SULT1A2: variants seen among roughly 807,000 people sequenced by gnomAD.
The protein encoded by SULT1A2 is sulfotransferase 1A2.
A neutral mutation model predicts 36.0 loss-of-function variants in SULT1A2; 33 were observed. The ratio of observed to expected loss-of-function variants is 0.92; its 90% confidence interval spans 0.69 to 1.22. The LOEUF is 1.22. Among genes scored for constraint, SULT1A2 ranks in the 50% most tolerant of loss-of-function variants. The probability of loss-of-function intolerance (pLI) is 0.00; values close to 1 mark genes in which losing one functional copy is unlikely to be tolerated. For synonymous variants in SULT1A2, 138 were observed against 144.5 expected, an observed-to-expected ratio of 0.96 and a Z score of 0.32; for missense variants, 367 against 383.2, an observed-to-expected ratio of 0.96 and a Z score of 0.35.
chr16:28,593,528 G>T lies in SULT1A2; in HGVS notation c.413C>A (p.Ser138Tyr). The T allele has an allele frequency of 6.2e-7, 1 of 1,614,138 alleles. No individual in the cohort carries two copies. Among genetic ancestry groups the T allele is most frequent in the East Asian group, 2.2e-5 (1 of 44,880 alleles). ...GGCCATGTGGTAGAAGTGGTAGTAG[G>T]AAACCGCCACATCCTTTGCGTTGCG... The part of the protein sequence containing the change: ...VARNAKDVAV[S>Y]YYHFYHMAKV... Residue 138 changes from serine to tyrosine, a missense_variant, in exon 5 of 8, where the codon TCC becomes TAC. Ser to Tyr is a moderately radical substitution (Grantham distance 144, BLOSUM62 -2). Coordinates refer to ENST00000335715, the MANE Select transcript of SULT1A2 (RefSeq NM_001054.4).
intron 4 of SULT1A2, 82 bp from the exon 5 acceptor site, chr16:28,593,650 A>C: frequency 6.3e-7 from 1 of 1,592,188 alleles, no homozygotes. Flanking sequence ...TTGGCAAAGG[A>C]GGAAGCTGAG....
Position 28,592,334 on chromosome 16 carries a change from T to G in SULT1A2, c.704A>C (p.Asn235Thr), listed in dbSNP as rs1059491. The change falls in exon 7 of 8, where the codon AAC (asparagine) becomes ACC (threonine). Residue 235 changes from asparagine to threonine, a missense_variant. Physicochemically the swap from Asn to Thr is moderately conservative, Grantham distance 65. Transcript: ENST00000335715. ...GACGGTGGTGTAGTTGGTCATAGGG[T>G]TCTTCTTCATCTCCTTGAACGACGT... ...EHTSFKEMKK[N>T]PMTNYTTVRR... is the part of the protein sequence containing the mutation. 553,509 of 1,613,462 alleles carry G rather than the reference T, an allele frequency of 0.34. 99,598 individuals are homozygous for G. The highest frequency in any genetic ancestry group is 0.38 in the Admixed American group (22,530 of 59,964).
Position 28,593,237 on chromosome 16 carries a change from CAAAG to C in SULT1A2, c.594+11_594+14del, listed in dbSNP as rs779662685. ...CCAGGTGTCACGTGGAGGGAAGCATCAAAGGCGGTCTCACCTCCTTCATGTCTTC... is the reference window on the plus strand; with the variant it reads ...CCAGGTGTCACGTGGAGGGAAGCATCGCGGTCTCACCTCCTTCATGTCTTC... On this transcript the variant is annotated intron_variant, in intron 6 of 7. Transcript: ENST00000335715. 4.3e-6 allele frequency: 7 copies of C among 1,612,678 alleles called. No individual in the cohort carries two copies. Among genetic ancestry groups the C allele is most frequent in the East Asian group, 2.2e-5 (1 of 44,882 alleles).
In SULT1A2 at chr16:28,593,560, A is replaced by G; in HGVS notation, c.381T>C (p.Tyr127=). ...TLLDQKVKVV[Y]VARNAKDVAV... is the part of the protein sequence containing the mutation. ...CCACATCCTTTGCGTTGCGGGCAAC[A>G]TAGACCACCTGCAGGGGCAGAAGAC... is the stretch of plus-strand genomic sequence containing the variant. The change falls in exon 5 of 8, where the codon TAT becomes TAC. Residue 127 remains tyrosine (Y), a synonymous_variant. Transcript: ENST00000335715. The G allele has an allele frequency of 6.2e-7, 1 of 1,614,158 alleles. No homozygotes were observed. Among genetic ancestry groups the G allele is most frequent in the Non-Finnish European group, 8.5e-7 (1 of 1,180,022 alleles).
intron 1 of SULT1A2, chr16:28,596,149 G>A (rs1217741695): frequency 6.8e-5 from 91 of 1,345,678 alleles, no homozygotes; most frequent in Non-Finnish European, 8.3e-5. Flanking sequence ...ATTCACCTGC[G>A]GAGCTGTTCA....
chr16:28,596,101 C>A, intron 1 of SULT1A2, 167 bp from the exon 2 acceptor site: 12 of 1,484,304 alleles, frequency 8.1e-6, no homozygotes, highest in Non-Finnish European at 9.0e-6. Context: ...CCAGGTCGGG[C>A]TCTAATGTGG....
chr16:28,596,777 G>A (rs559522409), intron 1 of SULT1A2: 110 of 294,614 alleles, frequency 3.7e-4, no homozygotes, highest in Non-Finnish European at 6.1e-4. Flanking sequence ...AGGCTGCAGT[G>A]GCCAGGATCC....
At chr16:28,594,129 C>CA (rs1386915660) in intron 4 of SULT1A2, among the ~76,000 whole-genome samples, 6 of 138,256 alleles carry the variant, frequency 4.3e-5, no homozygotes, top group Non-Finnish European at 9.3e-5. Context: ...CTCTAGGTCT[C>CA]AAAAAAAAGA....
chr16:28,593,134 G>T, intron 6 of SULT1A2, 118 bp downstream of exon 6: 2 of 1,455,042 alleles, frequency 1.4e-6, no homozygotes, highest in Non-Finnish European at 9.3e-7. Context: ...GTCAAGATGG[G>T]GAATCCGGGC....
Position 28,593,571 on chromosome 16 carries a change from G to A in SULT1A2, c.373-3C>T, listed in dbSNP as rs1241194965. 1 of 1,614,132 alleles carries A rather than the reference G, an allele frequency of 6.2e-7. No individual in the cohort carries two copies. Among genetic ancestry groups the A allele is most frequent in the Non-Finnish European group, 8.5e-7 (1 of 1,179,996 alleles). On this transcript the variant is annotated splice_polypyrimidine_tract_variant and splice_region_variant and intron_variant, in intron 4 of 7. Transcript: ENST00000335715. Reference sequence around the variant, plus strand: ...GCGTTGCGGGCAACATAGACCACCTGCAGGGGCAGAAGACTCAACCCCAGC... The same window carrying A: ...GCGTTGCGGGCAACATAGACCACCTACAGGGGCAGAAGACTCAACCCCAGC...
At position 28,592,303 on chromosome 16, in the gene SULT1A2, C is replaced by G; in HGVS notation, c.735G>C (p.Arg245=). ...NPMTNYTTVR[R]EFMDHSISPF... Reference sequence around the variant, plus strand: ...GGGAGATGCTGTGGTCCATGAACTCCCGGCGGACGGTGGTGTAGTTGGTCA... The same window carrying G: ...GGGAGATGCTGTGGTCCATGAACTCGCGGCGGACGGTGGTGTAGTTGGTCA... The change falls in exon 7 of 8, where the codon CGG becomes CGC. Residue 245 remains arginine, a synonymous_variant. Coordinates refer to ENST00000335715, the MANE Select transcript of SULT1A2 (RefSeq NM_001054.4). 6.2e-7 allele frequency: 1 copy of G among 1,613,952 alleles called. No homozygotes were observed. The highest frequency in any genetic ancestry group is 8.5e-7 in the Non-Finnish European group (1 of 1,179,856).
chr16:28,594,107 T>TGG (rs141661622), intron 4 of SULT1A2, among the ~76,000 whole-genome samples: 1,991 of 126,080 alleles, frequency 0.016, 24 homozygotes, highest in South Asian at 0.03. Flanking sequence ...TTTTTTTTTT[T>TGG]GGGGGGGGGG....
rs141569114 is a variant in SULT1A2, at chr16:28,592,354, C to G, written c.684G>C (p.Ser228=). 4.8e-5 allele frequency: 77 copies of G among 1,613,810 alleles called. No individual in the cohort carries two copies. Among genetic ancestry groups the G allele is most frequent in the Non-Finnish European group, 1.7e-6 (2 of 1,179,874 alleles). ...TAGGGTTCTTCTTCATCTCCTTGAA[C>G]GACGTGTGCTCAACCATGAGGTCCA... ...ETVDLMVEHT[S]FKEMKKNPMT... The change falls in exon 7 of 8, where the codon TCG becomes TCC. Residue 228 remains serine, a synonymous_variant. Coordinates refer to ENST00000335715, the MANE Select transcript of SULT1A2 (RefSeq NM_001054.4).
At chr16:28,593,095 T>C (rs2047013667) in intron 6 of SULT1A2, among the ~76,000 whole-genome samples, 157 bp downstream of exon 6, 1 of 151,944 alleles carries the variant, frequency 6.6e-6, no homozygotes, top group Non-Finnish European at 1.5e-5. Flanking sequence ...TGCTGCCACA[T>C]GGGGCTGCAG....
intron 4 of SULT1A2, 23 bp from the exon 5 acceptor site, chr16:28,593,591 C>T (rs764982730): frequency 6.2e-7 from 1 of 1,613,592 alleles, no homozygotes; most frequent in Non-Finnish European, 8.5e-7. Context: ...AAGACTCAAC[C>T]CCAGCACCAT....
At chr16:28,594,770 C>CTTTTTTTTTTTTTTTT (rs1033591115) in intron 4 of SULT1A2, among the ~76,000 whole-genome samples, 2 of 53,850 alleles carry the variant, frequency 3.7e-5, no homozygotes, top group African/African-American at 7.0e-5. Context: ...CCACCTGCCG[C>CTTTTTTTTTTTTTTTT]TTTTTTTTTT....
rs777195335 is a variant in SULT1A2, at chr16:28,592,460, T to A, written c.595-17A>T. On this transcript the variant is annotated splice_polypyrimidine_tract_variant and intron_variant, in intron 6 of 7. Transcript: ENST00000335715. ...TTTGGGGTTCTGAGCAGCAGAGGGC[T>A]CCTCAGTGGAGGCTTGGATTGCTGA... 6 of 1,614,012 alleles carry A rather than the reference T, an allele frequency of 3.7e-6. No homozygotes were observed. The Admixed American group carries it at 1.0e-4, about 27-fold the overall frequency.
chr16:28,595,623 C>A lies in SULT1A2; in HGVS notation c.201G>T (p.Leu67=). The change falls in exon 3 of 8, where the codon CTG becomes CTT. Residue 67 remains leucine, a synonymous_variant. Transcript: ENST00000335715. ...AGATGGGAGCTCGGTGACACTTTTC[C>A]AGGTCACCGCCCTGGTAGATCATGT... The part of the protein sequence containing the change: ...ILDMIYQGGD[L]EKCHRAPIFM... The A allele has an allele frequency of 1.2e-6, 2 of 1,614,166 alleles. No homozygotes were observed. The highest frequency in any genetic ancestry group is 1.7e-6 in the Non-Finnish European group (2 of 1,179,998).
chr16:28,596,133 C>G (rs1362011051), intron 1 of SULT1A2, 199 bp from the exon 2 acceptor site: 2 of 1,377,478 alleles, frequency 1.5e-6, no homozygotes, highest in Non-Finnish European at 1.9e-6. Flanking sequence ...CCTGGCCTCA[C>G]CTTTCATTCA....
Sources: gnomAD v4.1 joint callset for allele counts (sites outside exome capture counted in the v4.1 genomes callset) on GRCh38, gnomAD v4.1.1 for gene constraint, MANE v1.5 for transcripts, NCBI Gene and HGNC (gene_info 2026-07-23, HGNC 2026-07-21) for gene names.